PTPN13: variants seen among roughly 807,000 people sequenced by gnomAD.
The protein encoded by PTPN13 is tyrosine-protein phosphatase non-receptor type 13.
A neutral mutation model predicts 284.0 loss-of-function variants in PTPN13; 191 were observed. The ratio of observed to expected loss-of-function variants is 0.67; its 90% CI spans 0.60 to 0.76. The LOEUF (loss-of-function observed/expected upper bound fraction) is 0.76, where lower values mean the gene tolerates loss of function less well. PTPN13 is among the 30% of genes least tolerant of loss of function. The probability of loss-of-function intolerance (pLI) is 0.00; values close to 1 mark genes in which losing one functional copy is unlikely to be tolerated. For missense variants in PTPN13, 2,797 were observed against 2,939.9 expected, an observed-to-expected ratio of 0.95 and a Z score of 1.12; for synonymous variants, 986 against 1,022.3, an observed-to-expected ratio of 0.96 and a Z score of 0.68.
intron 16 of PTPN13, among the ~76,000 whole-genome samples, chr4:86,743,370 T>C (rs1035008762): frequency 4.6e-5 from 7 of 151,768 alleles, no homozygotes; most frequent in Non-Finnish European, 1.0e-4. Flanking sequence ...ACTAAGAAGA[T>C]TCTTTCTTTC....
rs1490430654 is a variant in PTPN13 at position 86,815,019 on chromosome 4, A to G, written c.*468A>G. 2.6e-5 allele frequency: 4 copies of G among 153,126 alleles called. No individual in the cohort carries two copies. The highest frequency in any genetic ancestry group is 2.4e-5 in the African/African-American group (1 of 41,466). The allele number at this position is 153,126 out of a possible 1,614,324, so 9.5% of individuals were successfully genotyped here. ...ACTGTATCAATTTCTAATGTTTACTATATAGAATTTCCTGTAATATATTTA... is the reference window on the plus strand; with the variant it reads ...ACTGTATCAATTTCTAATGTTTACTGTATAGAATTTCCTGTAATATATTTA... On this transcript the variant is annotated 3_prime_UTR_variant, in exon 48 of 48. Transcript: ENST00000411767.
chr4:86,805,913 T>G (rs1744602095), intron 44 of PTPN13, among the ~76,000 whole-genome samples: 1 of 152,144 alleles, frequency 6.6e-6, no homozygotes, highest in South Asian at 2.1e-4. Context: ...CCCTGCACTT[T>G]GGGAGGCCGA....
At chr4:86,630,143 G>A (rs1442283301) in intron 1 of PTPN13, among the ~76,000 whole-genome samples, 1 of 152,000 alleles carries the variant, frequency 6.6e-6, no homozygotes, top group Non-Finnish European at 1.5e-5. Context: ...GACCCTTTGA[G>A]TGTATAATCT....
chr4:86,653,990 A>G (rs1261739156), intron 2 of PTPN13, among the ~76,000 whole-genome samples: 1 of 152,202 alleles, frequency 6.6e-6, no homozygotes, highest in Non-Finnish European at 1.5e-5. Flanking sequence ...TCATCTTAAA[A>G]CTATAAGATA....
chr4:86,605,653 A>G (rs895495043), intron 1 of PTPN13, among the ~76,000 whole-genome samples: 3 of 151,918 alleles, frequency 2.0e-5, no homozygotes, highest in Non-Finnish European at 4.4e-5. Context: ...GATAATTTAC[A>G]CTTAATGATA....
chr4:86,734,556 G>C (rs1461471997), intron 13 of PTPN13, 100 bp downstream of exon 13: 1 of 1,289,064 alleles, frequency 7.8e-7, no homozygotes, highest in African/African-American at 1.5e-5. Flanking sequence ...CAATGATAAT[G>C]TCTGCTTTAT....
intron 38 of PTPN13, 62 bp from the exon 39 acceptor site, chr4:86,785,169 T>G: frequency 7.7e-7 from 1 of 1,300,294 alleles, no homozygotes; most frequent in Non-Finnish European, 1.0e-6. Context: ...GTTTAACACC[T>G]TGTCCCTTTC....
chr4:86,751,241 A>G, intron 19 of PTPN13, 117 bp downstream of exon 19: 1 of 723,398 alleles, frequency 1.4e-6, no homozygotes, highest in Admixed American at 2.9e-5. Flanking sequence ...CCAAAACTGA[A>G]TATAAATTTT....
intron 1 of PTPN13, among the ~76,000 whole-genome samples, chr4:86,632,063 T>TTCC (rs1722530691): frequency 8.9e-6 from 1 of 112,938 alleles, no homozygotes; most frequent in Non-Finnish European, 2.0e-5. Flanking sequence ...TCCTTCCTTA[T>TTCC]ATCACCAGAG....
At chr4:86,629,266 C>A (rs1722194219) in intron 1 of PTPN13, among the ~76,000 whole-genome samples, 1 of 147,662 alleles carries the variant, frequency 6.8e-6, no homozygotes, top group African/African-American at 2.5e-5. Flanking sequence ...AAACAAACAA[C>A]CCCATCAAAA....
chr4:86,674,827 TATAC>T (rs1182180403), intron 3 of PTPN13, among the ~76,000 whole-genome samples: 9 of 152,206 alleles, frequency 5.9e-5, no homozygotes, highest in African/African-American at 2.2e-4. Context: ...AGCTGGATAG[TATAC>T]ATATATAGTT....
intron 5 of PTPN13, among the ~76,000 whole-genome samples, chr4:86,693,092 AAG>A (rs1244105840): frequency 6.6e-6 from 1 of 151,168 alleles, no homozygotes; most frequent in Non-Finnish European, 1.5e-5. Flanking sequence ...AAAAAAAAAA[AAG>A]ACTTAGCATT....
intron 20 of PTPN13, among the ~76,000 whole-genome samples, chr4:86,754,715 A>T (rs981392306): frequency 6.6e-6 from 1 of 152,070 alleles, no homozygotes; most frequent in East Asian, 1.9e-4. Context: ...TTCAAGTATG[A>T]TAATTTTAAA....
At chr4:86,650,734 T>C (rs1327030848) in intron 2 of PTPN13, among the ~76,000 whole-genome samples, 1 of 152,240 alleles carries the variant, frequency 6.6e-6, no homozygotes, top group Admixed American at 6.5e-5. Flanking sequence ...TTGCCATTGG[T>C]ATAGAAATGC....
chr4:86,721,149 CAA>C (rs1331898163), intron 9 of PTPN13, among the ~76,000 whole-genome samples: 1 of 150,738 alleles, frequency 6.6e-6, no homozygotes, highest in Non-Finnish European at 1.5e-5. Context: ...GGAGAGATAA[CAA>C]TGATAATTAT....
chr4:86,724,655 A>G (rs1049019902), intron 10 of PTPN13, among the ~76,000 whole-genome samples: 28 of 152,250 alleles, frequency 1.8e-4, no homozygotes, highest in Non-Finnish European at 2.6e-4. Flanking sequence ...GAAAAGGGTA[A>G]TGGGGTTTGG....
At chr4:86,710,955 C>T (rs952619000) in intron 7 of PTPN13, among the ~76,000 whole-genome samples, 6 of 151,728 alleles carry the variant, frequency 4.0e-5, no homozygotes, top group African/African-American at 7.3e-5. Flanking sequence ...GAGAGGGTCT[C>T]GCTCTGTCTC....
chr4:86,649,790 T>C (rs1724869083), intron 2 of PTPN13, among the ~76,000 whole-genome samples: 1 of 152,208 alleles, frequency 6.6e-6, no homozygotes, highest in South Asian at 2.1e-4. Context: ...ATAGTGATTG[T>C]ATTGAATCTG....
intron 1 of PTPN13, among the ~76,000 whole-genome samples, chr4:86,623,018 T>A (rs967140579): frequency 1.3e-5 from 2 of 152,172 alleles, no homozygotes; most frequent in African/African-American, 4.8e-5. Flanking sequence ...AACAAAAACT[T>A]TTGGCCCTTC....
Sources: gnomAD v4.1 joint callset for allele counts (sites outside exome capture counted in the v4.1 genomes callset) on GRCh38, gnomAD v4.1.1 for gene constraint, MANE v1.5 for transcripts, NCBI Gene and HGNC (gene_info 2026-07-23, HGNC 2026-07-21) for gene names.